Variants in COL24A1 observed in about 807,000 individuals in gnomAD.
COL24A1 encodes collagen type XXIV alpha 1 chain, also known as collagen alpha-1(XXIV) chain.
Under a neutral mutation model 253.9 loss-of-function variants are expected in COL24A1, and 224 were observed. The ratio of observed to expected loss-of-function variants is 0.88; its 90% confidence interval spans 0.79 to 0.99. COL24A1 has a LOEUF of 0.99. Ranked by LOEUF, COL24A1 falls within the 50% of genes least tolerant of loss-of-function variation. The probability of loss-of-function intolerance (pLI) is 0.00; values close to 1 mark genes in which losing one functional copy is unlikely to be tolerated. For synonymous variants in COL24A1, 685 were observed against 673.7 expected, an observed-to-expected ratio of 1.02 and a Z score of -0.26; for missense variants, 2,131 against 2,068.5, an observed-to-expected ratio of 1.03 and a Z score of -0.59.
chr1:86,125,830 G>C lies in COL24A1; in HGVS notation c.506C>G (p.Thr169Ser). 1 of 1,613,300 alleles carries C rather than the reference G, an allele frequency of 6.2e-7. No homozygotes were observed. The highest frequency in any genetic ancestry group is 8.5e-7 in the Non-Finnish European group (1 of 1,179,722). Residue 169 changes from threonine to serine, a missense_variant, in exon 3 of 60, where the codon ACT (threonine) becomes AGT (serine). Thr to Ser is a moderately conservative substitution (Grantham distance 58). Transcript: ENST00000370571. ...HDEQWHSFAI[T>S]IRNQSVSMFV... ...CATTGAGACACTTTGGTTTCTAATA[G>C]TAATGGCAAATGAGTGCCATTGCTC...
chr1:86,100,926 A>T (rs1704392666), intron 5 of COL24A1, among the ~76,000 whole-genome samples: 1 of 152,076 alleles, frequency 6.6e-6, no homozygotes. Flanking sequence ...CTTTACAATA[A>T]ACTGGTAAAA....
rs12057154 is a variant in COL24A1, at chr1:86,126,786, T to C, written c.122-572A>G. On this transcript the variant is annotated intron_variant, in intron 2 of 59. Coordinates refer to ENST00000370571, the MANE Select transcript of COL24A1 (RefSeq NM_152890.7). Reference sequence around the variant, plus strand: ...CCAAAATTTAATTAGTTTATCTCTCTTGTTTTCCATTTTACTGATTCTTAT... The same window carrying C: ...CCAAAATTTAATTAGTTTATCTCTCCTGTTTTCCATTTTACTGATTCTTAT... Among the ~76,000 whole-genome samples, 382 of 152,254 alleles carry C rather than the reference T, an allele frequency of 2.5e-3. 2 individuals are homozygous for C. The highest frequency in any genetic ancestry group is 8.6e-3 in the African/African-American group (358 of 41,566).
At chr1:86,022,195 T>C (rs925871325) in intron 18 of COL24A1, 45 bp downstream of exon 18, 4 of 1,519,008 alleles carry the variant, frequency 2.6e-6, no homozygotes, top group Non-Finnish European at 2.7e-6. Context: ...TGCCATGACA[T>C]GCACTCTGTC....
chr1:85,988,185 A>G (rs1234945105), intron 19 of COL24A1, among the ~76,000 whole-genome samples: 2 of 151,826 alleles, frequency 1.3e-5, no homozygotes, highest in East Asian at 1.9e-4. Flanking sequence ...TTATTCTAAC[A>G]TCCCCATATT....
intron 45 of COL24A1, among the ~76,000 whole-genome samples, chr1:85,820,094 C>T (rs1673467854): frequency 6.6e-6 from 1 of 152,060 alleles, no homozygotes; most frequent in African/African-American, 2.4e-5. Context: ...GTGATCTGCC[C>T]TCCTCGGCCT....
intron 51 of COL24A1, among the ~76,000 whole-genome samples, chr1:85,783,103 TCA>T (rs984227293): frequency 2.6e-5 from 4 of 152,176 alleles, no homozygotes; most frequent in Non-Finnish European, 5.9e-5. Context: ...GGAAATATTT[TCA>T]GTCTGGTCTG....
intron 5 of COL24A1, among the ~76,000 whole-genome samples, chr1:86,102,658 G>T (rs1325575089): frequency 6.6e-6 from 1 of 152,128 alleles, no homozygotes; most frequent in Non-Finnish European, 1.5e-5. Flanking sequence ...TGCAGGAGAA[G>T]GTTATTTAAT....
At chr1:85,779,525 G>A (rs1228250334) in intron 52 of COL24A1, among the ~76,000 whole-genome samples, 1 of 152,076 alleles carries the variant, frequency 6.6e-6, no homozygotes, top group Non-Finnish European at 1.5e-5. Flanking sequence ...ATAAGAACCT[G>A]GTCTTGGATG....
chr1:85,994,718 T>C (rs550416540), intron 19 of COL24A1, among the ~76,000 whole-genome samples: 79 of 152,284 alleles, frequency 5.2e-4, no homozygotes, highest in African/African-American at 1.8e-3. Flanking sequence ...GCAAATGTAA[T>C]AAATTCACTT....
chr1:85,735,782 G>C (rs1663982063), intron 58 of COL24A1, among the ~76,000 whole-genome samples: 2 of 152,016 alleles, frequency 1.3e-5, no homozygotes, highest in South Asian at 4.2e-4. Context: ...ATTCAAGCAG[G>C]GATATGGTCA....
chr1:86,015,632 A>T (rs1042377235), intron 19 of COL24A1, among the ~76,000 whole-genome samples: 2 of 152,138 alleles, frequency 1.3e-5, no homozygotes, highest in Non-Finnish European at 2.9e-5. Context: ...AGATAATGAA[A>T]ATTAAAATAG....
intron 8 of COL24A1, among the ~76,000 whole-genome samples, chr1:86,061,845 A>G (rs1701114456): frequency 6.6e-6 from 1 of 152,078 alleles, no homozygotes; most frequent in Non-Finnish European, 1.5e-5. Flanking sequence ...AGATACAGTT[A>G]TATCAACAGC....
At chr1:85,864,036 C>A (rs1320565448) in intron 37 of COL24A1, among the ~76,000 whole-genome samples, 1 of 152,158 alleles carries the variant, frequency 6.6e-6, no homozygotes, top group Non-Finnish European at 1.5e-5. Flanking sequence ...TTTGACCCAG[C>A]AATCCCATTA....
chr1:85,836,095 C>CT (rs1328353351), intron 43 of COL24A1, among the ~76,000 whole-genome samples: 5 of 152,174 alleles, frequency 3.3e-5, no homozygotes, highest in African/African-American at 1.2e-4. Flanking sequence ...TAACCCATAC[C>CT]TTTGCCCTAT....
intron 14 of COL24A1, 79 bp from the exon 15 acceptor site, chr1:86,023,086 A>T: frequency 1.5e-6 from 2 of 1,376,542 alleles, no homozygotes; most frequent in Non-Finnish European, 2.0e-6. Flanking sequence ...TTAATAAATT[A>T]ATGAACCCAA....
At chr1:85,756,051 A>G (rs1038479521) in intron 55 of COL24A1, among the ~76,000 whole-genome samples, 1 of 87,562 alleles carries the variant, frequency 1.1e-5, no homozygotes, top group African/African-American at 3.6e-5. Flanking sequence ...ACAACTTACT[A>G]ACAACCAAAA....
chr1:85,762,003 T>C (rs1438993351), intron 53 of COL24A1, among the ~76,000 whole-genome samples: 3 of 152,166 alleles, frequency 2.0e-5, no homozygotes, highest in Non-Finnish European at 4.4e-5. Context: ...TCCAAAATAA[T>C]ACTTCTCCAT....
intron 5 of COL24A1, among the ~76,000 whole-genome samples, chr1:86,098,123 T>C (rs192237963): frequency 6.6e-6 from 1 of 152,310 alleles, no homozygotes; most frequent in East Asian, 1.9e-4. Flanking sequence ...CTTTGTGTAA[T>C]ACATATTTAT....
intron 45 of COL24A1, among the ~76,000 whole-genome samples, chr1:85,822,200 A>C (rs1673703226): frequency 6.6e-6 from 1 of 152,204 alleles, no homozygotes; most frequent in Non-Finnish European, 1.5e-5. Context: ...AGACTATACA[A>C]AATGGGTTCT....
Sources: allele counts gnomAD v4.1 joint callset (sites outside exome capture counted in the v4.1 genomes callset), GRCh38; gene constraint gnomAD v4.1.1; transcripts MANE v1.5; gene names NCBI Gene and HGNC (gene_info 2026-07-23, HGNC 2026-07-21).